The following FRMD6 variants were observed in gnomAD, a reference collection of about 807,000 sequenced individuals.
The protein encoded by FRMD6 is FERM domain containing 6, also known as FERM domain-containing protein 6.
In FRMD6, 37 loss-of-function variants were observed where a neutral mutation model predicts 73.2. The ratio of observed to expected loss-of-function variants is 0.51; its 90% confidence interval spans 0.39 to 0.66. The LOEUF (loss-of-function observed/expected upper bound fraction) is 0.66, where lower values mean the gene tolerates loss of function less well. Ranked by LOEUF, FRMD6 falls within the 30% of genes least tolerant of loss-of-function variation. The pLI is 0.00. For synonymous variants in FRMD6, 273 were observed against 282.2 expected (o/e 0.97, Z 0.33); for missense variants, 714 against 780.5 (o/e 0.91, Z 1.02).
chr14:51,695,458 AAT>A (rs1387392131), intron 2 of FRMD6, among the ~76,000 whole-genome samples: 3 of 152,160 alleles, frequency 2.0e-5, no homozygotes, highest in African/African-American at 7.2e-5. Context: ...AGAGAATGAT[AAT>A]GATTCCCCAT....
intron 11 of FRMD6, 55 bp from the exon 12 acceptor site, chr14:51,721,894 T>TA (rs1366505642): frequency 6.2e-7 from 1 of 1,600,808 alleles, no homozygotes; most frequent in Non-Finnish European, 8.5e-7. Flanking sequence ...GGTTGCATAT[T>TA]ATGATGGTCA....
At chr14:51,635,993 A>G (rs553992902) in intron 2 of FRMD6, among the ~76,000 whole-genome samples, 1 of 152,368 alleles carries the variant, frequency 6.6e-6, no homozygotes, top group East Asian at 1.9e-4. Context: ...TGCAGTGGAC[A>G]GGTCTATACA....
At chr14:51,487,637 C>T (rs757536309), upstream of FRMD6, among the ~76,000 whole-genome samples, 23 of 152,246 alleles carry the variant, frequency 1.5e-4, no homozygotes, top group Non-Finnish European at 2.5e-4. Context: ...TTCACCTTTG[C>T]GCATTATTTT....
At chr14:51,591,393 G>A (rs1889384078) in intron 2 of FRMD6, among the ~76,000 whole-genome samples, 1 of 152,114 alleles carries the variant, frequency 6.6e-6, no homozygotes, top group African/African-American at 2.4e-5. Flanking sequence ...TTAGAAGTAT[G>A]ACAATTTGCA....
chr14:51,514,570 A>G (rs1983731), intron 1 of FRMD6, among the ~76,000 whole-genome samples: 88,111 of 152,112 alleles, frequency 0.58, 26,579 homozygotes, highest in African/African-American at 0.73. Context: ...CAATTGGGCC[A>G]GGTGCCGTGG....
intron 1 of FRMD6, among the ~76,000 whole-genome samples, chr14:51,566,476 C>T (rs1181945313): frequency 1.3e-5 from 2 of 152,146 alleles, no homozygotes; most frequent in African/African-American, 4.8e-5. Flanking sequence ...AAAATAGGGA[C>T]ATTTTCTGAA....
intron 1 of FRMD6, among the ~76,000 whole-genome samples, chr14:51,550,580 A>ACT (rs1886758508): frequency 6.8e-6 from 1 of 148,008 alleles, no homozygotes; most frequent in Admixed American, 6.7e-5. Context: ...TTGGGAGGAG[A>ACT]CCCCCCCGCC....
chr14:51,683,422 G>A (rs1283722323), intron 1 of FRMD6, among the ~76,000 whole-genome samples: 1 of 151,510 alleles, frequency 6.6e-6, no homozygotes, highest in East Asian at 1.9e-4. Flanking sequence ...TAGGACTACA[G>A]GCATGTGCCA....
At chr14:51,441,598 G>A in the FRMD6 span, among the ~76,000 whole-genome samples, 1 of 152,186 alleles carries the variant, frequency 6.6e-6, no homozygotes, top group Non-Finnish European at 1.5e-5. Context: ...CCTTGGTCCA[G>A]TTTTAGTTCC....
At chr14:51,671,149 A>G (rs1893978174) in intron 1 of FRMD6, among the ~76,000 whole-genome samples, 1 of 152,178 alleles carries the variant, frequency 6.6e-6, no homozygotes, top group Non-Finnish European at 1.5e-5. Flanking sequence ...TGAATTCAGT[A>G]TACCAAATTT....
the FRMD6 span, among the ~76,000 whole-genome samples, chr14:51,410,058 T>C: frequency 2.0e-5 from 3 of 152,250 alleles, no homozygotes; most frequent in African/African-American, 7.2e-5. Context: ...TACTTTGTTA[T>C]GTTGCTATCT....
chr14:51,554,599 C>T (rs964963844), intron 1 of FRMD6: 1 of 152,152 alleles, frequency 6.6e-6, no homozygotes, highest in African/African-American at 2.4e-5. Context: ...GAATCCATGA[C>T]CACAGTCTAG....
At chr14:51,528,007 T>C (rs531155533) in intron 1 of FRMD6, among the ~76,000 whole-genome samples, 71 of 152,262 alleles carry the variant, frequency 4.7e-4, no homozygotes, top group Non-Finnish European at 8.8e-4. Flanking sequence ...CTGAGCATGG[T>C]GCCTCATGCC....
intron 1 of FRMD6, among the ~76,000 whole-genome samples, chr14:51,533,780 G>A (rs1427991489): frequency 6.6e-6 from 1 of 152,144 alleles, no homozygotes; most frequent in Non-Finnish European, 1.5e-5. Context: ...TTCCTCCTAG[G>A]ATGCCACCCC....
the FRMD6 span, among the ~76,000 whole-genome samples, chr14:51,459,884 C>CTTTTTTTTTT: frequency 4.6e-3 from 345 of 74,618 alleles, 47 homozygotes; most frequent in Middle Eastern, 0.026. Flanking sequence ...TACTGACTCT[C>CTTTTTTTTTT]TTTTTTTTTT....
At chr14:51,504,947 C>T (rs186381427) in intron 1 of FRMD6, among the ~76,000 whole-genome samples, 4 of 152,350 alleles carry the variant, frequency 2.6e-5, no homozygotes, top group East Asian at 3.9e-4. Context: ...CATGGCACAG[C>T]GCCATGCTCC....
Position 51,711,833 on chromosome 14 carries a change from A to G in FRMD6, c.780+237A>G, listed in dbSNP as rs61969854. Reference sequence around the variant, plus strand: ...TAATAAGAAATAACAGAAAACAATAAGTCAAAGATTAGCCCAGGTTCATCA... The same window carrying G: ...TAATAAGAAATAACAGAAAACAATAGGTCAAAGATTAGCCCAGGTTCATCA... On this transcript the variant is annotated intron_variant, in intron 8 of 13. Transcript: ENST00000344768. Among the ~76,000 whole-genome samples the G allele has an allele frequency of 1.7e-3, 256 of 152,344 alleles. 1 individual carries two copies. The highest frequency in any genetic ancestry group is 2.9e-3 in the Admixed American group (45 of 15,300).
chr14:51,397,882 G>T, the FRMD6 span, among the ~76,000 whole-genome samples: 1 of 152,080 alleles, frequency 6.6e-6, no homozygotes, highest in Admixed American at 6.6e-5. Flanking sequence ...TTCAGACTTA[G>T]GTCCCATCCC....
intron 2 of FRMD6, among the ~76,000 whole-genome samples, chr14:51,583,316 T>C (rs1888841301): frequency 6.6e-6 from 1 of 152,194 alleles, no homozygotes; most frequent in African/African-American, 2.4e-5. Context: ...GGTTTGTTTG[T>C]TTGTTTGTTT....
Sources: allele counts gnomAD v4.1 joint callset (sites outside exome capture counted in the v4.1 genomes callset), GRCh38; gene constraint gnomAD v4.1.1; transcripts MANE v1.5; gene names NCBI Gene and HGNC (gene_info 2026-07-23, HGNC 2026-07-21).